Variants in DENND10 observed in about 807,000 individuals in gnomAD.
The protein encoded by DENND10 is DENN domain containing 10.
DENND10 carries 24 observed loss-of-function variants against 43.6 expected under a neutral mutation model. The ratio of observed to expected loss-of-function variants is 0.55; its 90% confidence interval spans 0.40 to 0.77. DENND10 has a LOEUF of 0.77. Among genes scored for constraint, DENND10 ranks in the 30% least tolerant of loss-of-function variants. DENND10 has a pLI of 0.00. For synonymous variants in DENND10, 125 were observed against 157.6 expected (o/e 0.79, Z 1.55); for missense variants, 303 against 429.9 (o/e 0.70, Z 2.61).
chr10:119,109,373 G>T (rs7907441), intron 2 of DENND10, among the ~76,000 whole-genome samples: 1 of 152,088 alleles, frequency 6.6e-6, no homozygotes, highest in Non-Finnish European at 1.5e-5. Context: ...CAACCAGCAG[G>T]TTTTTTCAAA....
intron 3 of DENND10, among the ~76,000 whole-genome samples, chr10:119,117,297 A>G (rs938158294): frequency 2.6e-5 from 4 of 151,862 alleles, no homozygotes; most frequent in South Asian, 4.2e-4. Context: ...ACTTGAACCC[A>G]GGAGGTGGAG....
rs1385047955 is a variant in DENND10 at position 119,137,911 on chromosome 10, TTAGC to T, written c.*1267_*1270del. 1.2e-5 allele frequency: 2 copies of T among 166,884 alleles called. No homozygotes were observed. Among genetic ancestry groups the T allele is most frequent in the Non-Finnish European group, 2.9e-5 (2 of 68,098 alleles). The allele number at this position is 166,884 out of a possible 1,614,324, so 10.3% of individuals were successfully genotyped here. A position where few individuals can be genotyped will look rare whatever the true frequency, so the allele number is the denominator to read the frequency against. Reference sequence around the variant, plus strand: ...TTTCTCATTTTTTTGTATTACTATATTAGCTAATGATCAAAGTTGTTAAAATTAT... The same window carrying T: ...TTTCTCATTTTTTTGTATTACTATATTAATGATCAAAGTTGTTAAAATTAT... On this transcript the variant is annotated 3_prime_UTR_variant, in exon 9 of 9. Coordinates refer to ENST00000361432, the MANE Select transcript of DENND10 (RefSeq NM_207009.4).
At chr10:119,133,055 G>A (rs1202364861) in intron 8 of DENND10, 1 of 166,810 alleles carries the variant, frequency 6.0e-6, no homozygotes, top group African/African-American at 2.4e-5. Flanking sequence ...GTCCCACTTA[G>A]TGACTGTTGC....
chr10:119,108,975 G>A (rs986499629), intron 2 of DENND10, among the ~76,000 whole-genome samples: 3 of 152,170 alleles, frequency 2.0e-5, no homozygotes, highest in African/African-American at 7.2e-5. Flanking sequence ...AGCATTTTGG[G>A]AGGCTGAGGC....
At chr10:119,129,926 G>A (rs1589744863) in intron 7 of DENND10, among the ~76,000 whole-genome samples, 1 of 152,074 alleles carries the variant, frequency 6.6e-6, no homozygotes, top group Non-Finnish European at 1.5e-5. Flanking sequence ...AGAACTTAGC[G>A]GTTTATTTTC....
rs967797191 is a variant in DENND10 at position 119,124,612 on chromosome 10, G to A, written c.694+1043G>A. Among the ~76,000 whole-genome samples, 21 of 151,998 alleles carry A rather than the reference G, an allele frequency of 1.4e-4. No individual in the cohort carries two copies. In the South Asian group the frequency reaches 1.7e-3, roughly 12 times the overall value. ...TTACTCAGGCTGGTCTTGAACTCCC[G>A]AACTCAAGCGATCTGCCCATCTTGG... is the stretch of plus-strand genomic sequence containing the variant. On this transcript the variant is annotated intron_variant, in intron 6 of 8. Coordinates refer to ENST00000361432, the MANE Select transcript of DENND10 (RefSeq NM_207009.4).
chr10:119,116,613 G>A (rs548800075), intron 3 of DENND10, among the ~76,000 whole-genome samples: 42 of 151,926 alleles, frequency 2.8e-4, no homozygotes, highest in African/African-American at 9.7e-4. Flanking sequence ...AGATGGCTGA[G>A]TCCAAAGAAT....
chr10:119,125,095 C>T (rs1047323052), intron 6 of DENND10, among the ~76,000 whole-genome samples: 1 of 151,920 alleles, frequency 6.6e-6, no homozygotes, highest in Non-Finnish European at 1.5e-5. Flanking sequence ...CCTTAGCCTC[C>T]CTAGTAGCTG....
intron 3 of DENND10, among the ~76,000 whole-genome samples, chr10:119,115,161 G>A (rs1003364104): frequency 1.3e-5 from 2 of 151,962 alleles, no homozygotes; most frequent in African/African-American, 4.8e-5. Context: ...AGTGAAAACT[G>A]AGCTGCCGCC....
chr10:119,107,082 C>T (rs545896325), intron 1 of DENND10, among the ~76,000 whole-genome samples: 30 of 152,140 alleles, frequency 2.0e-4, no homozygotes, highest in African/African-American at 6.0e-4. Flanking sequence ...TTTGGGAGGC[C>T]GAGGCGGGCA....
At chr10:119,106,696 C>G (rs1218142266) in intron 1 of DENND10, among the ~76,000 whole-genome samples, 1 of 152,178 alleles carries the variant, frequency 6.6e-6, no homozygotes, top group Non-Finnish European at 1.5e-5. Flanking sequence ...TGAAATATTT[C>G]ACTATTTTCT....
chr10:119,113,937 T>G (rs1259979533), intron 3 of DENND10, among the ~76,000 whole-genome samples: 1 of 152,204 alleles, frequency 6.6e-6, no homozygotes, highest in Non-Finnish European at 1.5e-5. Context: ...AGCCATAAAC[T>G]AAAAACACTA....
At chr10:119,109,348 T>C (rs1264849686) in intron 2 of DENND10, among the ~76,000 whole-genome samples, 1 of 152,118 alleles carries the variant, frequency 6.6e-6, no homozygotes, top group Non-Finnish European at 1.5e-5. Flanking sequence ...AATCGTGGAC[T>C]TTCCTAATCC....
intron 2 of DENND10, among the ~76,000 whole-genome samples, chr10:119,110,095 G>A (rs1401285078): frequency 6.6e-6 from 1 of 151,900 alleles, no homozygotes; most frequent in Non-Finnish European, 1.5e-5. Flanking sequence ...TAACAGGCGC[G>A]AGCCACCGCA....
chr10:119,119,621 C>T (rs1016934191), intron 4 of DENND10, among the ~76,000 whole-genome samples: 9 of 151,144 alleles, frequency 6.0e-5, no homozygotes, highest in African/African-American at 4.9e-5. Context: ...CCCTGTGTTG[C>T]CCAGGCTGGT....
chr10:119,118,374 C>G (rs1018426177), intron 4 of DENND10, among the ~76,000 whole-genome samples: 7 of 152,188 alleles, frequency 4.6e-5, no homozygotes, highest in Admixed American at 2.6e-4. Flanking sequence ...TTATCTCTGT[C>G]ATCTGAAGAG....
intron 2 of DENND10, among the ~76,000 whole-genome samples, chr10:119,111,567 T>A (rs1844976802): frequency 6.6e-6 from 1 of 152,086 alleles, no homozygotes; most frequent in Non-Finnish European, 1.5e-5. Context: ...TAGGGGACAT[T>A]AAGTAGAAAT....
chr10:119,134,219 A>G (rs547838219), intron 8 of DENND10: 1 of 151,832 alleles, frequency 6.6e-6, no homozygotes, highest in Admixed American at 6.6e-5. Context: ...TTGCATTTTT[A>G]GTAGAGATGG....
chr10:119,122,258 T>C (rs1845612797), intron 5 of DENND10, among the ~76,000 whole-genome samples: 1 of 152,112 alleles, frequency 6.6e-6, no homozygotes, highest in Admixed American at 6.6e-5. Context: ...CAGTGAGCCA[T>C]GATCACGTCA....
Sources: gnomAD v4.1 joint callset for allele counts (sites outside exome capture counted in the v4.1 genomes callset) on GRCh38, gnomAD v4.1.1 for gene constraint, MANE v1.5 for transcripts, NCBI Gene and HGNC (gene_info 2026-07-23, HGNC 2026-07-21) for gene names.